CDIN1: variants seen among roughly 807,000 people sequenced by gnomAD.
The protein encoded by CDIN1 is CDAN1 interacting nuclease 1, also known as CDAN1-interacting nuclease 1.
A neutral mutation model predicts 45.3 loss-of-function variants in CDIN1; 33 were observed. The ratio of observed to expected loss-of-function variants is 0.73; its 90% CI spans 0.55 to 0.97. CDIN1 has a LOEUF of 0.97. Ranked by LOEUF, CDIN1 falls within the 50% of genes least tolerant of loss-of-function variation. The pLI is 0.00. For synonymous variants in CDIN1, 118 were observed against 124.4 expected (o/e 0.95, Z 0.34); for missense variants, 303 against 339.4 (o/e 0.89, Z 0.84).
At chr15:36,618,791 G>C in intron 1 of CDIN1, 1 of 758,998 alleles carries the variant, frequency 1.3e-6, no homozygotes, top group Non-Finnish European at 2.4e-6. Context: ...GGATCTAATA[G>C]AGGATTCCTC....
intron 10 of CDIN1, chr15:36,799,317 G>A (rs536653032): frequency 1.3e-5 from 2 of 152,242 alleles, no homozygotes; most frequent in African/African-American, 4.8e-5. Flanking sequence ...TATGTTTGCT[G>A]TCTCTCTCTT....
chr15:36,682,002 G>A (rs1259008257), intron 5 of CDIN1, among the ~76,000 whole-genome samples: 2 of 152,052 alleles, frequency 1.3e-5, no homozygotes, highest in East Asian at 1.9e-4. Flanking sequence ...TTAAATAAAC[G>A]TTGAGTGTTT....
At position 36,800,909 on chromosome 15, in the gene CDIN1, G is replaced by GTGTGTATATATA. The variant is rs1156514805; in HGVS notation, c.717-7414_717-7413insGTGTATATATAT. On this transcript the variant is annotated intron_variant, in intron 10 of 10. Coordinates refer to ENST00000566621, the MANE Select transcript of CDIN1 (RefSeq NM_001321759.2). ...TGTGTGTGTGTGTGTGTGTGTGTGTGTATATATATATATATATATATATAT... is the reference window on the plus strand; with the variant it reads ...TGTGTGTGTGTGTGTGTGTGTGTGTGTGTGTATATATATATATATATATATATATATATATAT... 5.9e-3 allele frequency among the ~76,000 whole-genome samples: 132 copies of GTGTGTATATATA among 22,330 alleles called. 2 individuals are homozygous for GTGTGTATATATA. Among genetic ancestry groups the GTGTGTATATATA allele is most frequent in the Middle Eastern group, 0.1 (1 of 10 alleles). 14.6% of individuals were successfully genotyped at this position (22,330 alleles called of 152,430 possible).
At chr15:36,745,327 A>G (rs967802943) in intron 10 of CDIN1, among the ~76,000 whole-genome samples, 1 of 152,194 alleles carries the variant, frequency 6.6e-6, no homozygotes, top group Non-Finnish European at 1.5e-5. Context: ...TTTTAAAGAC[A>G]TGATGCTGGC....
intron 1 of CDIN1, among the ~76,000 whole-genome samples, chr15:36,585,560 G>A (rs12916408): frequency 0.36 from 55,415 of 151,892 alleles, 10,269 homozygotes; most frequent in Middle Eastern, 0.46. Flanking sequence ...TGATGGTGTG[G>A]CCTACTTAGT....
chr15:36,732,108 T>C (rs1362683548), intron 10 of CDIN1, among the ~76,000 whole-genome samples: 1 of 152,186 alleles, frequency 6.6e-6, no homozygotes, highest in Non-Finnish European at 1.5e-5. Context: ...GAACATGAAG[T>C]AGGCAGAAAT....
At chr15:36,759,910 G>A (rs55968854) in intron 10 of CDIN1, among the ~76,000 whole-genome samples, 22,391 of 152,056 alleles carry the variant, frequency 0.15, 1,904 homozygotes, top group African/African-American at 0.22. Context: ...GAACCATTAG[G>A]AACTACCCCA....
rs370634447 is a variant in CDIN1, at chr15:36,722,955, T to G, written c.716+12994T>G. 2.6e-4 allele frequency among the ~76,000 whole-genome samples: 16 copies of G among 60,542 alleles called. 1 individual carries two copies. The highest frequency in any genetic ancestry group is 3.8e-4 in the Non-Finnish European group (11 of 28,898). The allele number at this position is 60,542 out of a possible 152,430, so 39.7% of individuals were successfully genotyped here. A position where few individuals can be genotyped will look rare whatever the true frequency, so the allele number is the denominator to read the frequency against. On this transcript the variant is annotated intron_variant, in intron 10 of 10. Transcript: ENST00000566621. ...ATTAACACAAGTCAATTACATTCAC[T>G]TGTGTGTGTGTGTGTGTGTGTGTGT...
In CDIN1 at chr15:36,580,558, C is replaced by G. The variant is rs75265334; in HGVS notation, c.101+597C>G. Among the ~76,000 whole-genome samples, 1,479 of 152,336 alleles carry G rather than the reference C, an allele frequency of 9.7e-3. 17 individuals carry two copies. Among genetic ancestry groups the G allele is most frequent in the African/African-American group, 0.033 (1,390 of 41,572 alleles). The stretch of plus-strand genomic sequence containing the variant: ...AGTTTCTCCATATATGTTATGCATA[C>G]ACACATTCCGGGTGTATTTCATACT... On this transcript the variant is annotated intron_variant, in intron 1 of 10. Coordinates refer to ENST00000566621, the MANE Select transcript of CDIN1 (RefSeq NM_001321759.2).
chr15:36,601,813 C>A (rs1292626815), intron 1 of CDIN1, among the ~76,000 whole-genome samples: 1 of 152,196 alleles, frequency 6.6e-6, no homozygotes, highest in African/African-American at 2.4e-5. Flanking sequence ...ATTGTACTGC[C>A]TCCAGCATCA....
chr15:36,593,980 T>G (rs2140199814), intron 1 of CDIN1, among the ~76,000 whole-genome samples: 1 of 152,374 alleles, frequency 6.6e-6, no homozygotes, highest in East Asian at 1.9e-4. Flanking sequence ...ATGGATTGAT[T>G]ATTCCTTAAG....
At chr15:36,801,317 T>C (rs2055038050) in intron 10 of CDIN1, among the ~76,000 whole-genome samples, 1 of 152,054 alleles carries the variant, frequency 6.6e-6, no homozygotes, top group Non-Finnish European at 1.5e-5. Flanking sequence ...ACCGTCTTAT[T>C]ACCAAAAGAG....
At chr15:36,755,683 G>GT (rs1225505810) in intron 10 of CDIN1, among the ~76,000 whole-genome samples, 3 of 30,248 alleles carry the variant, frequency 9.9e-5, no homozygotes, top group Non-Finnish European at 3.0e-4. Flanking sequence ...CTTAGTGTTG[G>GT]TTTAAAAAAA....
intron 10 of CDIN1, among the ~76,000 whole-genome samples, chr15:36,744,258 C>G (rs1374303969): frequency 1.3e-5 from 2 of 152,188 alleles, no homozygotes; most frequent in Non-Finnish European, 2.9e-5. Flanking sequence ...GCCCTGTTAT[C>G]CTGGTTTCTC....
At chr15:36,679,249 A>G (rs2041765408) in intron 5 of CDIN1, among the ~76,000 whole-genome samples, 1 of 152,182 alleles carries the variant, frequency 6.6e-6, no homozygotes, top group Admixed American at 6.5e-5. Context: ...TTGCCTGTTG[A>G]ATAGATTGAC....
chr15:36,596,824 T>C (rs1004361615), intron 1 of CDIN1, among the ~76,000 whole-genome samples: 1 of 151,962 alleles, frequency 6.6e-6, no homozygotes, highest in African/African-American at 2.4e-5. Flanking sequence ...AAACCCAGAA[T>C]ATGCTCTCAT....
intron 3 of CDIN1, among the ~76,000 whole-genome samples, chr15:36,651,106 G>A (rs1330571711): frequency 6.6e-6 from 1 of 152,066 alleles, no homozygotes; most frequent in Non-Finnish European, 1.5e-5. Flanking sequence ...TTCTTAGTTG[G>A]TATCAACTCA....
chr15:36,729,519 G>A (rs1322371668), intron 10 of CDIN1, among the ~76,000 whole-genome samples: 1 of 152,160 alleles, frequency 6.6e-6, no homozygotes, highest in Non-Finnish European at 1.5e-5. Context: ...ACACCAAGAA[G>A]TCGTGTCCTT....
intron 3 of CDIN1, among the ~76,000 whole-genome samples, chr15:36,650,957 G>A (rs1366101012): frequency 6.6e-6 from 1 of 151,940 alleles, no homozygotes; most frequent in Non-Finnish European, 1.5e-5. Context: ...CAGCTACTTG[G>A]GAGACTGAGG....
Sources: allele counts gnomAD v4.1 joint callset (sites outside exome capture counted in the v4.1 genomes callset), GRCh38; gene constraint gnomAD v4.1.1; transcripts MANE v1.5; gene names NCBI Gene and HGNC (gene_info 2026-07-23, HGNC 2026-07-21).